The following EMC2 variants were observed in gnomAD, a reference collection of about 807,000 sequenced individuals.
EMC2 encodes ER membrane protein complex subunit 2.
A neutral mutation model predicts 51.6 loss-of-function variants in EMC2; 37 were observed. That is an observed-to-expected ratio of 0.72 (90% CI 0.55 to 0.94). The LOEUF (loss-of-function observed/expected upper bound fraction) is 0.94. Ranked by LOEUF, EMC2 falls within the 40% of genes least tolerant of loss-of-function variation. The probability of loss-of-function intolerance (pLI) is 0.00; values close to 1 mark genes in which losing one functional copy is unlikely to be tolerated. For missense variants in EMC2, 359 were observed against 350.9 expected, an observed-to-expected ratio of 1.02 and a Z score of -0.18; for synonymous variants, 131 against 112.4, an observed-to-expected ratio of 1.17 and a Z score of -1.04.
intron 1 of EMC2, among the ~76,000 whole-genome samples, chr8:108,449,167 G>A (rs1586174355): frequency 6.6e-6 from 1 of 152,226 alleles, no homozygotes; most frequent in South Asian, 2.1e-4. Context: ...AGACTGGAGT[G>A]CAGTGGTGCA....
chr8:108,460,508 C>T (rs937718895), intron 5 of EMC2, among the ~76,000 whole-genome samples: 1 of 152,160 alleles, frequency 6.6e-6, no homozygotes, highest in Non-Finnish European at 1.5e-5. Flanking sequence ...GAAAATTTCA[C>T]CCCGATCACA....
intron 1 of EMC2, among the ~76,000 whole-genome samples, chr8:108,445,662 A>G (rs1818861275): frequency 6.6e-6 from 1 of 152,022 alleles, no homozygotes; most frequent in Non-Finnish European, 1.5e-5. Flanking sequence ...TCGATTATGT[A>G]TTCTATTCTA....
chr8:108,470,667 C>CT (rs1296073403), intron 7 of EMC2, among the ~76,000 whole-genome samples: 1 of 152,042 alleles, frequency 6.6e-6, no homozygotes, highest in Non-Finnish European at 1.5e-5. Flanking sequence ...TTTTTGTTAG[C>CT]TTTTTTATTG....
chr8:108,470,059 C>T lies in EMC2; in HGVS notation c.450-3C>T. On this transcript the variant is annotated splice_polypyrimidine_tract_variant and splice_region_variant and intron_variant, in intron 6 of 10. Transcript: ENST00000220853. ...TTACTTTTTTTTCTTTTCCTCTCAC[C>T]AGATTTGTTGGAGACCAAGAAGCCT... The T allele has an allele frequency of 1.9e-6, 3 of 1,611,942 alleles. No homozygotes were observed. Among genetic ancestry groups the T allele is most frequent in the South Asian group, 2.2e-5 (2 of 90,974 alleles).
chr8:108,481,467 TA>T (rs956582367), intron 10 of EMC2, among the ~76,000 whole-genome samples: 7 of 150,830 alleles, frequency 4.6e-5, no homozygotes, highest in African/African-American at 1.5e-4. Flanking sequence ...TATGTAATAT[TA>T]AAAAAAAAGA....
chr8:108,478,467 T>A (rs973042238), intron 9 of EMC2, among the ~76,000 whole-genome samples: 39 of 152,184 alleles, frequency 2.6e-4, no homozygotes, highest in African/African-American at 9.1e-4. Context: ...ATCTTCTTTA[T>A]TTCGAAGACC....
At chr8:108,474,297 CAT>C (rs1810909264) in intron 7 of EMC2, 1 of 151,908 alleles carries the variant, frequency 6.6e-6, no homozygotes, top group Non-Finnish European at 1.5e-5. Context: ...TTTTTGGCAT[CAT>C]ACTATTAATA....
At chr8:108,468,072 T>C (rs556188035) in intron 5 of EMC2, among the ~76,000 whole-genome samples, 2 of 152,318 alleles carry the variant, frequency 1.3e-5, no homozygotes, top group African/African-American at 4.8e-5. Context: ...ATGCTCTGTA[T>C]ATTGTCTATG....
chr8:108,488,900 C>T lies in EMC2; in HGVS notation c.*2302C>T, dbSNP rs534617595. 1.3e-5 allele frequency among the ~76,000 whole-genome samples: 2 copies of T among 152,168 alleles called. No individual in the cohort carries two copies. The highest frequency in any genetic ancestry group is 4.8e-5 in the African/African-American group (2 of 41,522). Reference sequence around the variant, plus strand: ...AGAAATTGAATGAAATGAACAGAACCCTACTGAGAAGGGCTTTCCTTTCAA... The same window carrying T: ...AGAAATTGAATGAAATGAACAGAACTCTACTGAGAAGGGCTTTCCTTTCAA... On this transcript the variant is annotated 3_prime_UTR_variant, in exon 11 of 11. Transcript: ENST00000220853.
intron 5 of EMC2, among the ~76,000 whole-genome samples, chr8:108,469,467 C>G (rs2130386774): frequency 6.6e-6 from 1 of 152,212 alleles, no homozygotes; most frequent in South Asian, 2.1e-4. Flanking sequence ...CTAATCTCCA[C>G]TGTTCCTCCC....
intron 5 of EMC2, among the ~76,000 whole-genome samples, chr8:108,458,716 C>G (rs1463947439): frequency 6.6e-6 from 1 of 152,142 alleles, no homozygotes; most frequent in Admixed American, 6.5e-5. Flanking sequence ...GGACTCCAGG[C>G]CTGTGATGGG....
At chr8:108,457,525 A>C (rs1275591519) in intron 5 of EMC2, among the ~76,000 whole-genome samples, 3 of 152,154 alleles carry the variant, frequency 2.0e-5, no homozygotes, top group African/African-American at 7.2e-5. Flanking sequence ...ATCATAACAA[A>C]AGGCAAGGAG....
intron 10 of EMC2, among the ~76,000 whole-genome samples, chr8:108,481,434 G>GGGGTGTGT (rs1811042706): frequency 6.6e-6 from 1 of 151,796 alleles, no homozygotes; most frequent in Non-Finnish European, 1.5e-5. Context: ...AGTAGGCTTG[G>GGGGTGTGT]GGGTGTGTGG....
At chr8:108,469,445 A>G (rs1563698597) in intron 5 of EMC2, among the ~76,000 whole-genome samples, 9 of 151,962 alleles carry the variant, frequency 5.9e-5, no homozygotes. Flanking sequence ...CCATGGTGAG[A>G]TTTTTTTTCC....
intron 3 of EMC2, among the ~76,000 whole-genome samples, chr8:108,451,830 C>T (rs546164673): frequency 3.3e-5 from 5 of 152,236 alleles, no homozygotes; most frequent in African/African-American, 9.6e-5. Context: ...ATTATTTATA[C>T]AGTTAGCTTG....
rs879787281 is a variant in EMC2 at position 108,487,888 on chromosome 8, G to C, written c.*1290G>C. On this transcript the variant is annotated 3_prime_UTR_variant, in exon 11 of 11. Coordinates refer to ENST00000220853, the MANE Select transcript of EMC2 (RefSeq NM_014673.5). ...AATAGGCAGCTGATTAATATATTCT[G>C]TGAAAGAACTCTTCTCATCTGAAGG... Among the ~76,000 whole-genome samples, 5 of 152,052 alleles carry C rather than the reference G, an allele frequency of 3.3e-5. No homozygotes were observed. The highest frequency in any genetic ancestry group is 7.4e-5 in the Non-Finnish European group (5 of 68,006).
rs374149869 is a variant in EMC2 at position 108,465,826 on chromosome 8, A to G, written c.364-4000A>G. Among the ~76,000 whole-genome samples, 192 of 152,148 alleles carry G rather than the reference A, an allele frequency of 1.3e-3. 4 individuals carry two copies. In the South Asian group the frequency reaches 0.039, roughly 31 times the overall value. ...GCTGTGATTTTGTTAATTTTTAAAA[A>G]ACATTTAAGTGAAGCATGTTCAGTT... On this transcript the variant is annotated intron_variant, in intron 5 of 10. Transcript: ENST00000220853.
intron 3 of EMC2, among the ~76,000 whole-genome samples, chr8:108,451,315 A>G (rs1255557717): frequency 1.3e-5 from 2 of 152,118 alleles, no homozygotes; most frequent in Non-Finnish European, 2.9e-5. Flanking sequence ...GCTTTACATC[A>G]TGATTTTATT....
chr8:108,449,785 G>A, intron 1 of EMC2, 38 bp from the exon 2 acceptor site: 1 of 906,008 alleles, frequency 1.1e-6, no homozygotes, highest in Non-Finnish European at 1.8e-6. Flanking sequence ...TGTGTGTCTG[G>A]GTACATATAC....
Sources: gnomAD v4.1 joint callset for allele counts (sites outside exome capture counted in the v4.1 genomes callset) on GRCh38, gnomAD v4.1.1 for gene constraint, MANE v1.5 for transcripts, NCBI Gene and HGNC (gene_info 2026-07-23, HGNC 2026-07-21) for gene names.